The following TNKS2 variants were observed in gnomAD, a reference collection of about 807,000 sequenced individuals.
TNKS2 encodes poly [ADP-ribose] polymerase tankyrase-2.
A neutral mutation model predicts 137.6 loss-of-function variants in TNKS2; 72 were observed. The observed-to-expected ratio is 0.52, with a 90% CI of 0.43 to 0.64. TNKS2 has a LOEUF of 0.64. TNKS2 is among the 30% of genes least tolerant of loss of function. The probability of loss-of-function intolerance (pLI) is 0.00; values close to 1 mark genes in which losing one functional copy is unlikely to be tolerated. For missense variants in TNKS2, 1,049 were observed against 1,410.2 expected, an observed-to-expected ratio of 0.74 and a Z score of 4.10; for synonymous variants, 516 against 512.1, an observed-to-expected ratio of 1.01 and a Z score of -0.10.
intron 1 of TNKS2, among the ~76,000 whole-genome samples, chr10:91,801,504 A>C: frequency 6.6e-6 from 1 of 150,762 alleles, no homozygotes. Flanking sequence ...GATGGAGTCT[A>C]GTTCTGTCTC....
At chr10:91,816,627 C>G (rs188006289) in intron 2 of TNKS2, among the ~76,000 whole-genome samples, 1 of 151,326 alleles carries the variant, frequency 6.6e-6, no homozygotes, top group East Asian at 1.9e-4. Context: ...TTATTGAAAG[C>G]ATAAGGAAGC....
chr10:91,828,180 G>T, intron 8 of TNKS2, 105 bp from the exon 9 acceptor site: 1 of 1,226,972 alleles, frequency 8.2e-7, no homozygotes, highest in Non-Finnish European at 1.1e-6. Flanking sequence ...TGGCTATTTT[G>T]GAAGATTATT....
chr10:91,817,406 A>G (rs981449924), intron 3 of TNKS2, among the ~76,000 whole-genome samples, 177 bp downstream of exon 3: 5 of 152,214 alleles, frequency 3.3e-5, no homozygotes, highest in Non-Finnish European at 5.9e-5. Context: ...AGAAAAATAA[A>G]GCTTTCTTTT....
In TNKS2 at chr10:91,827,123, C is replaced by G; in HGVS notation, c.902C>G (p.Ala301Gly). 1 of 1,611,744 alleles carries G rather than the reference C, an allele frequency of 6.2e-7. No individual in the cohort carries two copies. The highest frequency in any genetic ancestry group is 1.1e-5 in the South Asian group (1 of 90,738). The change falls in exon 8 of 27, where the codon GCA becomes GGA. Residue 301 changes from alanine (A) to glycine (G), a missense_variant. By Grantham distance (60) the Ala-to-Gly change is moderately conservative. Coordinates refer to ENST00000371627, the MANE Select transcript of TNKS2 (RefSeq NM_025235.4). ...EVCSLLLSYG[A>G]DPTLLNCHNK... ...TGTTCTCTTCTCTTAAGTTATGGTGCAGACCCAACACTGCTCAATTGTCAC... is the reference window on the plus strand; with the variant it reads ...TGTTCTCTTCTCTTAAGTTATGGTGGAGACCCAACACTGCTCAATTGTCAC...
chr10:91,851,103 T>C, intron 20 of TNKS2, 113 bp from the exon 21 acceptor site: 1 of 1,345,054 alleles, frequency 7.4e-7, no homozygotes, highest in African/African-American at 1.5e-5. Flanking sequence ...TTTTTAGAAA[T>C]GTTTAAAATA....
intron 1 of TNKS2, among the ~76,000 whole-genome samples, chr10:91,809,494 G>A (rs1171810647): frequency 3.3e-5 from 5 of 151,956 alleles, no homozygotes; most frequent in South Asian, 4.2e-4. Flanking sequence ...GTGAAACCCC[G>A]TCTCTACTAA....
intron 20 of TNKS2, 86 bp downstream of exon 20, chr10:91,849,680 T>C: frequency 2.0e-6 from 2 of 999,730 alleles, no homozygotes; most frequent in South Asian, 1.7e-5. Context: ...AGCTGAACCA[T>C]GTAAGCTATT....
At chr10:91,839,437 G>T (rs1436520853) in intron 13 of TNKS2, among the ~76,000 whole-genome samples, 2 of 151,686 alleles carry the variant, frequency 1.3e-5, no homozygotes, top group Non-Finnish European at 2.9e-5. Flanking sequence ...CTGCCTCCCA[G>T]GTTCAAGCGA....
chr10:91,799,583 G>A (rs1589634791), intron 1 of TNKS2, among the ~76,000 whole-genome samples: 1 of 152,198 alleles, frequency 6.6e-6, no homozygotes, highest in Non-Finnish European at 1.5e-5. Context: ...TAGAATTTAA[G>A]TTGGGACTAA....
intron 12 of TNKS2, chr10:91,836,508 C>A: frequency 2.5e-6 from 1 of 403,418 alleles, no homozygotes; most frequent in Non-Finnish European, 3.4e-6. Context: ...ATCTGAGAAC[C>A]AGGAAGTTCC....
At chr10:91,832,985 G>A (rs903173814) in intron 11 of TNKS2, among the ~76,000 whole-genome samples, 2 of 152,058 alleles carry the variant, frequency 1.3e-5, no homozygotes, top group Non-Finnish European at 2.9e-5. Flanking sequence ...AAAGTAATCT[G>A]CAGACTATTC....
chr10:91,817,453 C>T (rs1844743019), intron 3 of TNKS2, among the ~76,000 whole-genome samples: 1 of 152,010 alleles, frequency 6.6e-6, no homozygotes, highest in Non-Finnish European at 1.5e-5. Context: ...TCATTGTTGC[C>T]TTATTGGGGG....
At chr10:91,830,811 A>ATCTTTTT in intron 9 of TNKS2, 112 bp from the exon 10 acceptor site, 1 of 967,522 alleles carries the variant, frequency 1.0e-6, no homozygotes, top group African/African-American at 1.7e-5. Context: ...TTGCGTCAAA[A>ATCTTTTT]GTAAAACAAA....
intron 15 of TNKS2, 21 bp downstream of exon 15, chr10:91,841,469 G>T (rs779173264): frequency 1.3e-6 from 2 of 1,562,242 alleles, no homozygotes; most frequent in Non-Finnish European, 1.7e-6. Flanking sequence ...ATACTTAACT[G>T]TAAAGAGTAT....
chr10:91,799,330 T>C (rs549833000), intron 1 of TNKS2, among the ~76,000 whole-genome samples: 2 of 152,336 alleles, frequency 1.3e-5, no homozygotes, highest in African/African-American at 4.8e-5. Context: ...CTTTGTAAAA[T>C]ACAAGGATGT....
At chr10:91,844,691 C>A (rs535261839) in intron 16 of TNKS2, among the ~76,000 whole-genome samples, 2 of 152,238 alleles carry the variant, frequency 1.3e-5, no homozygotes, top group East Asian at 3.9e-4. Context: ...CAACTTGAGG[C>A]AAGGGGGAAA....
intron 20 of TNKS2, 150 bp from the exon 21 acceptor site, chr10:91,851,066 A>G: frequency 9.6e-7 from 1 of 1,041,926 alleles, no homozygotes; most frequent in Non-Finnish European, 1.3e-6. Context: ...AGTTCTGCTC[A>G]GGTTCTTATG....
intron 25 of TNKS2, among the ~76,000 whole-genome samples, chr10:91,860,979 A>C (rs1842837429): frequency 6.6e-6 from 1 of 152,188 alleles, no homozygotes; most frequent in Non-Finnish European, 1.5e-5. Context: ...TCTTCTTTGG[A>C]AGATAGAACC....
intron 3 of TNKS2, 47 bp from the exon 4 acceptor site, chr10:91,819,222 TA>T (rs1460646136): frequency 1.7e-6 from 2 of 1,170,186 alleles, no homozygotes; most frequent in Non-Finnish European, 2.3e-6. Context: ...TAAAACTCAT[TA>T]ATTTTTCTTT....
Sources: allele counts gnomAD v4.1 joint callset (sites outside exome capture counted in the v4.1 genomes callset), GRCh38; gene constraint gnomAD v4.1.1; transcripts MANE v1.5; gene names NCBI Gene and HGNC (gene_info 2026-07-23, HGNC 2026-07-21).